Variants in ADORA1 observed in about 807,000 individuals in gnomAD.
ADORA1 encodes adenosine A1 receptor, also known as adenosine receptor A1.
A neutral mutation model predicts 19.9 loss-of-function variants in ADORA1; 6 were observed. The ratio of observed to expected loss-of-function variants is 0.30; its 90% CI spans 0.17 to 0.59. The LOEUF (loss-of-function observed/expected upper bound fraction) is 0.59. Among genes scored for constraint, ADORA1 ranks in the 20% least tolerant of loss-of-function variants. The pLI, the probability that ADORA1 is intolerant of heterozygous loss-of-function variation, is 0.87. For missense variants in ADORA1, 302 were observed against 439.2 expected, an observed-to-expected ratio of 0.69 and a Z score of 2.79; for synonymous variants, 194 against 188.4, an observed-to-expected ratio of 1.03 and a Z score of -0.24.
At position 203,129,078 on chromosome 1, in the gene ADORA1, C is replaced by G; in HGVS notation, c.237C>G (p.Thr79=). The G allele has an allele frequency of 6.2e-7, 1 of 1,614,174 alleles. No homozygotes were observed. The highest frequency in any genetic ancestry group is 2.2e-5 in the East Asian group (1 of 44,876). The part of the protein sequence containing the change: ...INIGPQTYFH[T]CLMVACPVLI... Reference sequence around the variant, plus strand: ...TTGGGCCACAGACCTACTTCCACACCTGCCTCATGGTTGCCTGTCCGGTCC... The same window carrying G: ...TTGGGCCACAGACCTACTTCCACACGTGCCTCATGGTTGCCTGTCCGGTCC... The change falls in exon 3 of 4, where the codon ACC becomes ACG. Residue 79 remains threonine, a synonymous_variant. Coordinates refer to ENST00000337894, the MANE Select transcript of ADORA1 (RefSeq NM_000674.3).
chr1:203,149,319 G>A (rs948510457), intron 3 of ADORA1, among the ~76,000 whole-genome samples: 8 of 152,214 alleles, frequency 5.3e-5, no homozygotes, highest in African/African-American at 1.9e-4. Context: ...GTGGCAGAGC[G>A]GAGTGATTTA....
chr1:203,141,222 C>T (rs1205073985), intron 3 of ADORA1, among the ~76,000 whole-genome samples: 1 of 152,256 alleles, frequency 6.6e-6, no homozygotes, highest in Non-Finnish European at 1.5e-5. Context: ...CTCGTGGCAG[C>T]CCCATCAGCT....
At chr1:203,141,355 C>T (rs996041765) in intron 3 of ADORA1, among the ~76,000 whole-genome samples, 6 of 152,192 alleles carry the variant, frequency 3.9e-5, no homozygotes, top group African/African-American at 1.4e-4. Flanking sequence ...ACCCTGCTCT[C>T]AGAGGCTACC....
chr1:203,144,081 T>TACAC (rs10525873), intron 3 of ADORA1, among the ~76,000 whole-genome samples: 29,914 of 139,568 alleles, frequency 0.21, 3,405 homozygotes, highest in Non-Finnish European at 0.25. Context: ...GACTACCTCT[T>TACAC]ACACACACAC....
At chr1:203,136,977 T>C (rs1314179682) in intron 3 of ADORA1, among the ~76,000 whole-genome samples, 3 of 152,154 alleles carry the variant, frequency 2.0e-5, no homozygotes, top group African/African-American at 7.2e-5. Flanking sequence ...TCTAATGAAT[T>C]GGAAATCAGA....
intron 3 of ADORA1, among the ~76,000 whole-genome samples, chr1:203,132,441 G>A (rs757457250): frequency 2.2e-4 from 33 of 152,322 alleles, no homozygotes; most frequent in Middle Eastern, 3.4e-3. Flanking sequence ...GGGTGTTTGC[G>A]AGTCAGGCAG....
In ADORA1 at chr1:203,128,455, T is replaced by G; in HGVS notation, c.-58+23T>G. 1 of 1,286,592 alleles carries G rather than the reference T, an allele frequency of 7.8e-7. No homozygotes were observed. The highest frequency in any genetic ancestry group is 1.5e-5 in the African/African-American group (1 of 66,108). The allele number at this position is 1,286,592 out of a possible 1,614,324, so 79.7% of individuals were successfully genotyped here. ...ATGGTGAGCTCCCTGCATCCTGTTC[T>G]GTGCACAGGGGTGGGCAGAGCCAGT... On this transcript the variant is annotated intron_variant, in intron 2 of 3. Coordinates refer to ENST00000337894, the MANE Select transcript of ADORA1 (RefSeq NM_000674.3). This position sits in a 1 kb window ranked among gnomAD's most constrained non-coding sequence, Gnocchi z 5.9.
intron 3 of ADORA1, among the ~76,000 whole-genome samples, chr1:203,138,078 G>C (rs61025910): frequency 0.03 from 4,626 of 152,248 alleles, 192 homozygotes; most frequent in African/African-American, 0.096. Flanking sequence ...TTTGCTTATG[G>C]GTTGGATGTG....
intron 3 of ADORA1, among the ~76,000 whole-genome samples, chr1:203,139,071 G>A (rs1281153507): frequency 6.6e-6 from 1 of 152,116 alleles, no homozygotes; most frequent in Non-Finnish European, 1.5e-5. Context: ...TGCCCGCCTC[G>A]GCCTCCCAAA....
intron 3 of ADORA1, among the ~76,000 whole-genome samples, chr1:203,142,337 C>T (rs1168848670): frequency 1.3e-5 from 2 of 152,186 alleles, no homozygotes; most frequent in Admixed American, 1.3e-4. Context: ...TCCTGCCCAT[C>T]GTAACCAACA....
Position 203,128,881 on chromosome 1 carries a change from G to T in ADORA1, c.40G>T (p.Gly14Cys), listed in dbSNP as rs765840235. ...SISAFQAAYI[G>C]IEVLIALVSV... Reference sequence around the variant, plus strand: ...CTCAGCTTTCCAGGCCGCCTACATCGGCATCGAGGTGCTCATCGCCCTGGT... The same window carrying T: ...CTCAGCTTTCCAGGCCGCCTACATCTGCATCGAGGTGCTCATCGCCCTGGT... Residue 14 changes from glycine (G) to cysteine (C), a missense_variant, in exon 3 of 4, where the codon GGC becomes TGC. Gly to Cys is a radical substitution (Grantham distance 159). Coordinates refer to ENST00000337894, the MANE Select transcript of ADORA1 (RefSeq NM_000674.3). The surrounding 1 kb of genome is among the most constrained non-coding windows in gnomAD (Gnocchi z 5.9). The T allele has an allele frequency of 1.2e-6, 2 of 1,610,278 alleles. No homozygotes were observed. The highest frequency in any genetic ancestry group is 1.7e-5 in the Admixed American group (1 of 59,948).
intron 3 of ADORA1, among the ~76,000 whole-genome samples, chr1:203,153,548 C>T (rs575117509): frequency 8.5e-5 from 13 of 152,302 alleles, no homozygotes; most frequent in Admixed American, 3.3e-4. Flanking sequence ...CTGCCCTCCT[C>T]CCTGTAGCCC....
In ADORA1 at chr1:203,167,358, T is replaced by C. The variant is rs960290404; in HGVS notation, c.*1458T>C. On this transcript the variant is annotated 3_prime_UTR_variant, in exon 4 of 4. Coordinates refer to ENST00000337894, the MANE Select transcript of ADORA1 (RefSeq NM_000674.3). ...CCTCTGTTGGAAATTGGGTGTGCCC[T>C]GGCTCCCAAGGGAGGCCCATGTGAC... 6.6e-6 allele frequency: 1 copy of C among 152,328 alleles called. No homozygotes were observed. The highest frequency in any genetic ancestry group is 1.5e-5 in the Non-Finnish European group (1 of 68,136). 9.4% of individuals were successfully genotyped at this position (152,328 alleles called of 1,614,324 possible).
At chr1:203,135,644 T>A (rs1249148048) in intron 3 of ADORA1, among the ~76,000 whole-genome samples, 35 of 132,492 alleles carry the variant, frequency 2.6e-4, no homozygotes, top group African/African-American at 8.8e-4. Context: ...GGCAACAGAG[T>A]GAGACTTTGT....
chr1:203,128,554 C>A lies in ADORA1; in HGVS notation c.-58+122C>A. ...AGCTGCCTCACACCTGATAAAAAAG[C>A]CAGTGGAGGAGTGAGCGCTGCTATT... On this transcript the variant is annotated intron_variant, in intron 2 of 3. Coordinates refer to ENST00000337894, the MANE Select transcript of ADORA1 (RefSeq NM_000674.3). This position sits in a 1 kb window ranked among gnomAD's most constrained non-coding sequence, Gnocchi z 5.9. The A allele has an allele frequency of 1.1e-6, 1 of 885,754 alleles. No homozygotes were observed. Among genetic ancestry groups the A allele is most frequent in the Non-Finnish European group, 1.6e-6 (1 of 621,492 alleles). The allele number at this position is 885,754 out of a possible 1,614,324, so 54.9% of individuals were successfully genotyped here.
chr1:203,165,186 G>T lies in ADORA1; in HGVS notation c.342-75G>T, dbSNP rs765114993. 2.5e-6 allele frequency: 4 copies of T among 1,600,536 alleles called. No homozygotes were observed. Among genetic ancestry groups the T allele is most frequent in the Admixed American group, 1.7e-5 (1 of 57,620 alleles). On this transcript the variant is annotated intron_variant, in intron 3 of 3. Coordinates refer to ENST00000337894, the MANE Select transcript of ADORA1 (RefSeq NM_000674.3). This position sits in a 1 kb window ranked among gnomAD's most constrained non-coding sequence, Gnocchi z 5.9. Reference sequence around the variant, plus strand: ...GTGCTCCTCTTAGAGGCCCCTGGAGGCCAGGCGTGCCTCAGAGGGGCCTTT... The same window carrying T: ...GTGCTCCTCTTAGAGGCCCCTGGAGTCCAGGCGTGCCTCAGAGGGGCCTTT...
At chr1:203,151,822 T>TTCATTCA (rs1655047436) in intron 3 of ADORA1, among the ~76,000 whole-genome samples, 1 of 81,388 alleles carries the variant, frequency 1.2e-5, no homozygotes, top group Non-Finnish European at 3.8e-5. Context: ...TCATTCATTC[T>TTCATTCA]TATACTCAAT....
chr1:203,152,590 G>C (rs1655072631), intron 3 of ADORA1: 1 of 2,008 alleles, frequency 5.0e-4, no homozygotes, highest in African/African-American at 2.3e-3. Flanking sequence ...GTTTTTTCCT[G>C]TCCCACGGGA....
At chr1:203,132,619 T>C (rs1654377752) in intron 3 of ADORA1, among the ~76,000 whole-genome samples, 1 of 152,032 alleles carries the variant, frequency 6.6e-6, no homozygotes, top group Non-Finnish European at 1.5e-5. Flanking sequence ...GAGATGGGTG[T>C]ATCCCTTGAG....
Sources: allele counts gnomAD v4.1 joint callset (sites outside exome capture counted in the v4.1 genomes callset), GRCh38; gene constraint gnomAD v4.1.1; non-coding constraint Gnocchi (gnomAD v3.1); transcripts MANE v1.5; gene names NCBI Gene and HGNC (gene_info 2026-07-23, HGNC 2026-07-21).